The following FKBP9 variants were observed in gnomAD, a reference collection of about 807,000 sequenced individuals.
FKBP9 encodes the protein peptidyl-prolyl cis-trans isomerase FKBP9.
FKBP9 carries 27 observed loss-of-function variants against 55.6 expected under a neutral mutation model. The ratio of observed to expected loss-of-function variants is 0.49; its 90% CI spans 0.36 to 0.67. The LOEUF (loss-of-function observed/expected upper bound fraction) is 0.67, where lower values mean the gene tolerates loss of function less well. Ranked by LOEUF, FKBP9 falls within the 30% of genes least tolerant of loss-of-function variation. FKBP9 has a pLI of 0.00. For missense variants in FKBP9, 539 were observed against 742.8 expected (o/e 0.73, Z 3.19); for synonymous variants, 267 against 296.5 (o/e 0.90, Z 1.02).
intron 1 of FKBP9, among the ~76,000 whole-genome samples, chr7:32,968,774 C>T (rs1463691120): frequency 3.4e-5 from 5 of 148,170 alleles, no homozygotes; most frequent in Admixed American, 1.3e-4. Flanking sequence ...GGTTTTGCCT[C>T]AGCCCCCCGA....
intron 3 of FKBP9, among the ~76,000 whole-genome samples, 164 bp from the exon 4 acceptor site, chr7:32,976,190 G>T (rs1474911085): frequency 1.3e-5 from 2 of 152,146 alleles, no homozygotes; most frequent in African/African-American, 4.8e-5. Flanking sequence ...TAAACTTGAG[G>T]ACATCTGCCC....
At chr7:32,987,962 T>G (rs1304473033) in intron 5 of FKBP9, among the ~76,000 whole-genome samples, 1 of 152,126 alleles carries the variant, frequency 6.6e-6, no homozygotes, top group Non-Finnish European at 1.5e-5. Context: ...GGAGGATCAC[T>G]TGATCCAGGA....
At chr7:32,991,642 C>T (rs1453460773) in intron 6 of FKBP9, among the ~76,000 whole-genome samples, 2 of 151,690 alleles carry the variant, frequency 1.3e-5, no homozygotes, top group Non-Finnish European at 1.5e-5. Flanking sequence ...CCATTTTCCC[C>T]TGCAAGATTG....
In FKBP9 at chr7:32,975,206, T is replaced by C; in HGVS notation, c.392T>C (p.Val131Ala). 1 of 1,613,722 alleles carries C rather than the reference T, an allele frequency of 6.2e-7. No homozygotes were observed. Among genetic ancestry groups the C allele is most frequent in the Non-Finnish European group, 8.5e-7 (1 of 1,179,628 alleles). Residue 131 changes from valine to alanine, a missense_variant, in exon 3 of 10, where the codon GTG becomes GCG. By Grantham distance (64) the Val-to-Ala change is moderately conservative. Coordinates refer to ENST00000242209, the MANE Select transcript of FKBP9 (RefSeq NM_007270.5). ...GVSGVIPPNSVLHFDVLLMDI... is the reference protein window; with the variant it reads ...GVSGVIPPNSALHFDVLLMDI... ...GCTGGTGTGATCCCCCCCAATTCAG[T>C]GCTTCATTTTGATGTACTTCTGATG...
intron 1 of FKBP9, among the ~76,000 whole-genome samples, chr7:32,970,293 T>G (rs1784227373): frequency 6.6e-6 from 1 of 152,024 alleles, no homozygotes. Context: ...ACCTCCCAAG[T>G]TCAAGCGATT....
At chr7:32,992,939 A>T in intron 6 of FKBP9, 1 of 231,006 alleles carries the variant, frequency 4.3e-6, no homozygotes. Context: ...AGAAGCTGAC[A>T]TACTCACCTG....
In FKBP9 at chr7:33,002,660, C is replaced by T; in HGVS notation, c.1373-16C>T. On this transcript the variant is annotated splice_polypyrimidine_tract_variant and intron_variant, in intron 8 of 9. Coordinates refer to ENST00000242209, the MANE Select transcript of FKBP9 (RefSeq NM_007270.5). Reference sequence around the variant, plus strand: ...CTGCCGGCTGACACCGCCTCCCGCTCCTGTCACCTGGACAGATGGAGAAGT... The same window carrying T: ...CTGCCGGCTGACACCGCCTCCCGCTTCTGTCACCTGGACAGATGGAGAAGT... 6.2e-7 allele frequency: 1 copy of T among 1,612,066 alleles called. No individual in the cohort carries two copies. The highest frequency in any genetic ancestry group is 8.5e-7 in the Non-Finnish European group (1 of 1,178,994).
At chr7:32,972,428 C>T (rs1049298741) in intron 1 of FKBP9, among the ~76,000 whole-genome samples, 1 of 152,022 alleles carries the variant, frequency 6.6e-6, no homozygotes, top group African/African-American at 2.4e-5. Flanking sequence ...CTCTGTTGCT[C>T]GCCCAAACTG....
intron 1 of FKBP9, among the ~76,000 whole-genome samples, chr7:32,964,021 CA>C (rs557083669): frequency 6.0e-4 from 91 of 152,320 alleles, no homozygotes; most frequent in African/African-American, 2.0e-3. Context: ...GGGGGCCTGA[CA>C]GGGTCAGTGG....
At chr7:32,969,020 G>A (rs1176356332) in intron 1 of FKBP9, among the ~76,000 whole-genome samples, 3 of 152,086 alleles carry the variant, frequency 2.0e-5, no homozygotes, top group Non-Finnish European at 4.4e-5. Context: ...CTTTTCATTC[G>A]CTTGTTGGCC....
intron 3 of FKBP9, among the ~76,000 whole-genome samples, chr7:32,975,678 G>T (rs1318439623): frequency 1.4e-5 from 2 of 146,598 alleles, no homozygotes; most frequent in East Asian, 4.0e-4. Flanking sequence ...ATGGATTCTC[G>T]CCCTGTCACC....
intron 8 of FKBP9, 136 bp downstream of exon 8, chr7:33,000,396 A>T (rs2961447): frequency 2.3e-6 from 3 of 1,308,898 alleles, no homozygotes; most frequent in African/African-American, 1.5e-5. Context: ...TTCTATTTTT[A>T]AAAAATTATT....
At chr7:32,973,809 G>C in intron 1 of FKBP9, among the ~76,000 whole-genome samples, 1 of 43,346 alleles carries the variant, frequency 2.3e-5, no homozygotes, top group African/African-American at 1.0e-4. Flanking sequence ...TCCTGTCTCA[G>C]CCTCCCGAGT....
chr7:32,975,224 T>G lies in FKBP9; in HGVS notation c.410T>G (p.Leu137Arg). The change falls in exon 3 of 10, where the codon CTT becomes CGT. Residue 137 changes from leucine (L) to arginine (R), a missense_variant. By Grantham distance (102) the Leu-to-Arg change is moderately radical. This residue lies in a region of FKBP9 where 236 missense variants were observed against 271.5 expected (regional missense o/e 0.87). Coordinates refer to ENST00000242209, the MANE Select transcript of FKBP9 (RefSeq NM_007270.5). ...AATTCAGTGCTTCATTTTGATGTAC[T>G]TCTGATGGATATTTGGAATTCTGAA... ...PPNSVLHFDVLLMDIWNSEDQ... is the reference protein window; with the variant it reads ...PPNSVLHFDVRLMDIWNSEDQ... 1 of 1,613,926 alleles carries G rather than the reference T, an allele frequency of 6.2e-7. No homozygotes were observed. Among genetic ancestry groups the G allele is most frequent in the Non-Finnish European group, 8.5e-7 (1 of 1,179,802 alleles).
chr7:32,997,401 T>TG (rs547053055), intron 7 of FKBP9, among the ~76,000 whole-genome samples: 2,771 of 142,566 alleles, frequency 0.019, 33 homozygotes, highest in Non-Finnish European at 0.024. Context: ...TTTTTAGAGA[T>TG]GGGGGGGGTC....
At chr7:32,990,455 G>T (rs988776378) in intron 6 of FKBP9, among the ~76,000 whole-genome samples, 1 of 152,140 alleles carries the variant, frequency 6.6e-6, no homozygotes, top group African/African-American at 2.4e-5. Context: ...CGTTTGCGTT[G>T]TTTTAAGCCA....
intron 1 of FKBP9, chr7:32,963,403 T>C (rs1784064725): frequency 2.5e-6 from 1 of 398,076 alleles, no homozygotes. Flanking sequence ...CAGAATCTTG[T>C]GAAGGGAAGG....
intron 5 of FKBP9, among the ~76,000 whole-genome samples, chr7:32,983,229 G>A (rs1185899698): frequency 6.6e-6 from 1 of 151,976 alleles, no homozygotes; most frequent in African/African-American, 2.4e-5. Context: ...TCATCATATT[G>A]GCCAGGCTGG....
Position 32,986,486 on chromosome 7 carries a change from G to T in FKBP9, c.894-2021G>T, listed in dbSNP as rs570706538. On this transcript the variant is annotated intron_variant, in intron 5 of 9. Transcript: ENST00000242209. ...CTGAAGGATGCTGGGAGCCGACACG[G>T]TCCTCCTCTTCCCTGCTGTGTTCCC... Among the ~76,000 whole-genome samples, 267 of 152,304 alleles carry T rather than the reference G, an allele frequency of 1.8e-3. 3 individuals are homozygous for T. The highest frequency in any genetic ancestry group is 0.01 in the Middle Eastern group (3 of 294).
Sources: allele counts gnomAD v4.1 joint callset (sites outside exome capture counted in the v4.1 genomes callset), GRCh38; gene constraint gnomAD v4.1.1; regional missense constraint gnomAD v4.1.1; transcripts MANE v1.5; gene names NCBI Gene and HGNC (gene_info 2026-07-23, HGNC 2026-07-21).